Variants in AFG2A observed in about 807,000 individuals in gnomAD.
AFG2A encodes ATPase family gene 2 protein homolog A.
chr4:123,128,954 T>C, the AFG2A span, among the ~76,000 whole-genome samples: 1 of 152,208 alleles, frequency 6.6e-6, no homozygotes, highest in African/African-American at 2.4e-5. Context: ...TTTCAAACTT[T>C]AGAAAAGTAT....
the AFG2A span, among the ~76,000 whole-genome samples, chr4:123,119,057 A>G: frequency 6.6e-6 from 1 of 152,124 alleles, no homozygotes; most frequent in Admixed American, 6.5e-5. Flanking sequence ...CCATTCATCT[A>G]CAGCTGTTCT....
the AFG2A span, among the ~76,000 whole-genome samples, chr4:123,151,536 C>T: frequency 6.6e-6 from 1 of 152,180 alleles, no homozygotes. Flanking sequence ...AAAAAAAGGT[C>T]ATCACTGGTC....
chr4:123,169,287 G>A, the AFG2A span, among the ~76,000 whole-genome samples: 1 of 152,092 alleles, frequency 6.6e-6, no homozygotes, highest in Non-Finnish European at 1.5e-5. Context: ...AGTAAATTAT[G>A]TTCACATGCT....
the AFG2A span, among the ~76,000 whole-genome samples, chr4:123,069,700 C>G: frequency 6.6e-6 from 1 of 151,758 alleles, no homozygotes; most frequent in East Asian, 1.9e-4. Flanking sequence ...TAAAAATATC[C>G]GAAAAGTATA....
At chr4:123,074,042 C>T in the AFG2A span, among the ~76,000 whole-genome samples, 1 of 150,852 alleles carries the variant, frequency 6.6e-6, no homozygotes, top group Non-Finnish European at 1.5e-5. Flanking sequence ...GTTTTGAGTC[C>T]ATTCTTGATC....
the AFG2A span, among the ~76,000 whole-genome samples, chr4:123,085,817 GTTATT>G: frequency 7.3e-5 from 11 of 151,622 alleles, no homozygotes; most frequent in African/African-American, 2.4e-4. Flanking sequence ...AGCATTTTAT[GTTATT>G]TTATTTTATC....
At chr4:123,095,802 C>G in the AFG2A span, among the ~76,000 whole-genome samples, 1 of 152,042 alleles carries the variant, frequency 6.6e-6, no homozygotes, top group African/African-American at 2.4e-5. Context: ...TTTAAATTAG[C>G]TAGCATATTT....
At chr4:123,166,645 T>A in the AFG2A span, among the ~76,000 whole-genome samples, 1 of 152,188 alleles carries the variant, frequency 6.6e-6, no homozygotes, top group Non-Finnish European at 1.5e-5. Flanking sequence ...TATACTCAGC[T>A]CTTAATTGCC....
chr4:123,068,416 A>G, the AFG2A span, among the ~76,000 whole-genome samples: 1 of 152,206 alleles, frequency 6.6e-6, no homozygotes, highest in Non-Finnish European at 1.5e-5. Context: ...CCACTGTTTC[A>G]TCCTACAACA....
the AFG2A span, among the ~76,000 whole-genome samples, chr4:123,189,809 CTTTTTTTTT>C: frequency 6.3e-4 from 39 of 61,776 alleles, no homozygotes; most frequent in African/African-American, 2.5e-3. Flanking sequence ...AGGTCATTTG[CTTTTTTTTT>C]TTTTTTTTTT....
At chr4:122,923,098 A>AT in the AFG2A span, 2 of 1,610,748 alleles carry the variant, frequency 1.2e-6, no homozygotes, top group Non-Finnish European at 1.7e-6. Context: ...AAGCGCGCAC[A>AT]TTGAGTCGGC....
chr4:123,177,183 C>A, the AFG2A span, among the ~76,000 whole-genome samples: 1 of 148,510 alleles, frequency 6.7e-6, no homozygotes, highest in Non-Finnish European at 1.5e-5. Context: ...TAGAAAAGAG[C>A]TTGATTTGAT....
the AFG2A span, among the ~76,000 whole-genome samples, chr4:123,115,846 G>A: frequency 1.3e-5 from 2 of 152,192 alleles, no homozygotes; most frequent in African/African-American, 4.8e-5. Context: ...AAACATGGAT[G>A]TATAGATATA....
chr4:123,300,282 G>A, the AFG2A span, among the ~76,000 whole-genome samples: 1 of 152,142 alleles, frequency 6.6e-6, no homozygotes, highest in East Asian at 1.9e-4. Flanking sequence ...TCTCCACCTT[G>A]GCCTGAACAA....
chr4:123,018,566 G>A, the AFG2A span, among the ~76,000 whole-genome samples: 1 of 151,976 alleles, frequency 6.6e-6, no homozygotes, highest in Non-Finnish European at 1.5e-5. Context: ...TTTCATGGTA[G>A]TGTTTATCCT....
the AFG2A span, among the ~76,000 whole-genome samples, chr4:122,931,173 A>T: frequency 6.6e-6 from 1 of 152,190 alleles, no homozygotes; most frequent in Non-Finnish European, 1.5e-5. Context: ...AATACCTTCT[A>T]TTCAGAGTTT....
chr4:123,097,078 T>C, the AFG2A span, among the ~76,000 whole-genome samples: 1 of 152,036 alleles, frequency 6.6e-6, no homozygotes, highest in Non-Finnish European at 1.5e-5. Flanking sequence ...TCAAGCAATC[T>C]CCTGCCTCAG....
the AFG2A span, among the ~76,000 whole-genome samples, chr4:123,240,795 G>A: frequency 1.3e-5 from 2 of 152,126 alleles, no homozygotes; most frequent in African/African-American, 2.4e-5. Flanking sequence ...CAGAACTGAA[G>A]GAGATAGACA....
At chr4:123,165,527 A>T in the AFG2A span, among the ~76,000 whole-genome samples, 1 of 151,836 alleles carries the variant, frequency 6.6e-6, no homozygotes, top group African/African-American at 2.4e-5. Flanking sequence ...AACTATTGCT[A>T]CTCTTTAGTT....
Sources: allele counts gnomAD v4.1 joint callset (sites outside exome capture counted in the v4.1 genomes callset), GRCh38; gene constraint gnomAD v4.1.1; transcripts MANE v1.5; gene names NCBI Gene and HGNC (gene_info 2026-07-23, HGNC 2026-07-21).